CCDC13: variants seen among roughly 807,000 people sequenced by gnomAD.
CCDC13 encodes coiled-coil domain-containing protein 13.
In CCDC13, 70 loss-of-function variants were observed where a neutral mutation model predicts 87.3. The observed-to-expected ratio is 0.80, with a 90% CI of 0.66 to 0.98. The LOEUF (loss-of-function observed/expected upper bound fraction) is 0.98. CCDC13 is among the 50% of genes least tolerant of loss of function. The pLI, the probability that CCDC13 is intolerant of heterozygous loss-of-function variation, is 0.00. For synonymous variants in CCDC13, 317 were observed against 360.3 expected, an observed-to-expected ratio of 0.88 and a Z score of 1.36; for missense variants, 842 against 892.0, an observed-to-expected ratio of 0.94 and a Z score of 0.71.
intron 1 of CCDC13, among the ~76,000 whole-genome samples, chr3:42,762,517 G>A (rs1180428910): frequency 1.3e-5 from 2 of 152,170 alleles, no homozygotes; most frequent in African/African-American, 4.8e-5. Context: ...CTGTACCTAC[G>A]TAACCATCTC....
rs755580549 is a variant in CCDC13, at chr3:42,745,910, A to C, written c.825+13T>G. On this transcript the variant is annotated intron_variant, in intron 7 of 15. Coordinates refer to ENST00000310232, the MANE Select transcript of CCDC13 (RefSeq NM_144719.4). Reference sequence around the variant, plus strand: ...CTTTGTTCAGGCCAGGAGAAGTCTGATGACTCACTCACCTTGCTCTGCAAA... The same window carrying C: ...CTTTGTTCAGGCCAGGAGAAGTCTGCTGACTCACTCACCTTGCTCTGCAAA... 6.2e-7 allele frequency: 1 copy of C among 1,601,138 alleles called. No individual in the cohort carries two copies. Among genetic ancestry groups the C allele is most frequent in the South Asian group, 1.1e-5 (1 of 90,806 alleles).
intron 13 of CCDC13, chr3:42,719,073 A>G (rs2125873258): frequency 6.6e-6 from 1 of 152,356 alleles, no homozygotes; most frequent in Non-Finnish European, 1.5e-5. Flanking sequence ...CCTCTCGGTA[A>G]AGTCCCTTTC....
In CCDC13 at chr3:42,705,866, G is replaced by T. The variant is rs1432747398; in HGVS notation, c.*3114C>A. On this transcript the variant is annotated 3_prime_UTR_variant, in exon 16 of 16. Coordinates refer to ENST00000310232, the MANE Select transcript of CCDC13 (RefSeq NM_144719.4). ...CTTCCCTTGAAAATCCTTCTCCCAG[G>T]CTCTCCCCACCTTCCCTTTACTCCT... is the stretch of plus-strand genomic sequence containing the variant. Among the ~76,000 whole-genome samples the T allele has an allele frequency of 1.3e-5, 2 of 152,084 alleles. No homozygotes were observed. The highest frequency in any genetic ancestry group is 2.9e-5 in the Non-Finnish European group (2 of 68,000).
At chr3:42,737,574 T>C (rs1209441747) in intron 9 of CCDC13, among the ~76,000 whole-genome samples, 1 of 152,210 alleles carries the variant, frequency 6.6e-6, no homozygotes, top group African/African-American at 2.4e-5. Context: ...CTCCAGCACC[T>C]GTTGTTTCCT....
intron 5 of CCDC13, among the ~76,000 whole-genome samples, 182 bp downstream of exon 5, chr3:42,751,754 G>C (rs2125904544): frequency 6.6e-6 from 1 of 152,252 alleles, no homozygotes; most frequent in East Asian, 1.9e-4. Flanking sequence ...CATACACTCG[G>C]TACTGTTCTC....
At chr3:42,719,388 TCTCTC>T (rs1559638653) in intron 13 of CCDC13, 7,758 of 144,358 alleles carry the variant, frequency 0.054, 238 homozygotes, top group African/African-American at 0.068. Flanking sequence ...CTTTCCTCTC[TCTCTC>T]TCTCTCTCTC....
chr3:42,752,851 T>C, intron 3 of CCDC13, 134 bp from the exon 4 acceptor site: 3 of 1,046,870 alleles, frequency 2.9e-6, no homozygotes, highest in Non-Finnish European at 4.2e-6. Flanking sequence ...GGCACTAACT[T>C]AGGAGGGTCA....
At chr3:42,743,165 A>T in intron 7 of CCDC13, 108 bp from the exon 8 acceptor site, 1 of 1,284,354 alleles carries the variant, frequency 7.8e-7, no homozygotes, top group Non-Finnish European at 1.1e-6. Context: ...ACCTCTCTAG[A>T]TGGCTGTGGT....
chr3:42,710,517 C>T (rs1034435787), intron 14 of CCDC13, among the ~76,000 whole-genome samples: 3 of 152,148 alleles, frequency 2.0e-5, no homozygotes, highest in Non-Finnish European at 2.9e-5. Context: ...ATCCAGGGTC[C>T]TGGAGTTGAA....
intron 1 of CCDC13, among the ~76,000 whole-genome samples, chr3:42,768,555 G>C (rs964907533): frequency 1.3e-5 from 2 of 152,076 alleles, no homozygotes; most frequent in African/African-American, 2.4e-5. Flanking sequence ...AAATTAGCTG[G>C]GCATGTTGGT....
intron 12 of CCDC13, among the ~76,000 whole-genome samples, chr3:42,731,641 T>A (rs549581448): frequency 1.3e-5 from 2 of 152,158 alleles, no homozygotes; most frequent in South Asian, 4.1e-4. Flanking sequence ...ATTTCCCCAG[T>A]TCTAGAATGT....
At chr3:42,736,597 G>T (rs963085012) in intron 9 of CCDC13, among the ~76,000 whole-genome samples, 2 of 152,100 alleles carry the variant, frequency 1.3e-5, no homozygotes, top group African/African-American at 4.8e-5. Context: ...TTTAAAACTG[G>T]CTGCTGAGCC....
intron 8 of CCDC13, among the ~76,000 whole-genome samples, chr3:42,740,340 AACTC>A (rs1699174557): frequency 2.6e-5 from 4 of 152,162 alleles, no homozygotes; most frequent in African/African-American, 9.7e-5. Flanking sequence ...ACCAACTGGA[AACTC>A]ACATGCAGCA....
chr3:42,752,439 A>G, intron 4 of CCDC13, 136 bp downstream of exon 4: 2 of 1,077,616 alleles, frequency 1.9e-6, no homozygotes, highest in Non-Finnish European at 2.7e-6. Context: ...CAGCACCACC[A>G]TATACTGCGT....
intron 10 of CCDC13, among the ~76,000 whole-genome samples, chr3:42,733,842 G>A (rs146450645): frequency 1.1e-3 from 174 of 152,358 alleles, no homozygotes; most frequent in Non-Finnish European, 2.2e-3. Context: ...ACTGGGCCAG[G>A]AAGCTGTTCT....
At chr3:42,759,637 T>G (rs1477084048) in intron 1 of CCDC13, among the ~76,000 whole-genome samples, 1 of 152,244 alleles carries the variant, frequency 6.6e-6, no homozygotes, top group African/African-American at 2.4e-5. Context: ...CTCATTCGTT[T>G]TTATTACTGA....
At chr3:42,714,643 C>A (rs1698389569) in intron 13 of CCDC13, among the ~76,000 whole-genome samples, 1 of 152,202 alleles carries the variant, frequency 6.6e-6, no homozygotes, top group South Asian at 2.1e-4. Context: ...CCAAGAGTTA[C>A]ATGCACACCT....
intron 14 of CCDC13, among the ~76,000 whole-genome samples, chr3:42,712,622 G>A (rs1698338277): frequency 6.6e-6 from 1 of 152,216 alleles, no homozygotes; most frequent in South Asian, 2.1e-4. Flanking sequence ...TCCTGCTGCT[G>A]ATGGGAAAGC....
chr3:42,772,289 AAG>A (rs1318822239), intron 1 of CCDC13, among the ~76,000 whole-genome samples: 3 of 72,062 alleles, frequency 4.2e-5, no homozygotes, highest in Non-Finnish European at 5.4e-5. Context: ...AAAAAAAAAA[AAG>A]TAATAATAAA....
Sources: allele counts gnomAD v4.1 joint callset (sites outside exome capture counted in the v4.1 genomes callset), GRCh38; gene constraint gnomAD v4.1.1; transcripts MANE v1.5; gene names NCBI Gene and HGNC (gene_info 2026-07-23, HGNC 2026-07-21).